The following PREX1 variants were observed in gnomAD, a reference collection of about 807,000 sequenced individuals.
The protein encoded by PREX1 is phosphatidylinositol 3,4,5-trisphosphate-dependent Rac exchanger 1 protein.
In PREX1, 41 loss-of-function variants were observed where a neutral mutation model predicts 198.3. The observed-to-expected ratio is 0.21, with a 90% CI of 0.16 to 0.27. The LOEUF is 0.27. PREX1 is among the 10% of genes least tolerant of loss of function. PREX1 has a pLI of 1.00. For synonymous variants in PREX1, 843 were observed against 887.2 expected (o/e 0.95, Z 0.89); for missense variants, 1,620 against 2,200.7 (o/e 0.74, Z 5.28).
At position 48,713,872 on chromosome 20, in the gene PREX1, A is replaced by AAAG. The variant is rs1555837404; in HGVS notation, c.622-5452_622-5451insCTT. ...CCCAGAACTATAAAAAAAAAAAAAA[A>AAAG]AAAAGAAAATCAAAAGTAAAAATCA... is the stretch of plus-strand genomic sequence containing the variant. On this transcript the variant is annotated intron_variant, in intron 5 of 39. Transcript: ENST00000371941. 3.4e-3 allele frequency among the ~76,000 whole-genome samples: 497 copies of AAAG among 147,774 alleles called. 4 individuals carry two copies. Among genetic ancestry groups the AAAG allele is most frequent in the African/African-American group, 6.6e-3 (260 of 39,136 alleles).
At chr20:48,743,602 T>C (rs568649080) in intron 3 of PREX1, among the ~76,000 whole-genome samples, 68 of 152,294 alleles carry the variant, frequency 4.5e-4, no homozygotes, top group South Asian at 2.7e-3. Context: ...GCTATGTGAA[T>C]AGGAAGATAA....
intron 3 of PREX1, among the ~76,000 whole-genome samples, chr20:48,735,086 A>G (rs1247251268): frequency 6.6e-6 from 1 of 152,144 alleles, no homozygotes. Context: ...CCCTGAGCCC[A>G]AAGATGTACT....
chr20:48,730,448 C>T (rs972512039), intron 4 of PREX1, among the ~76,000 whole-genome samples: 1 of 147,866 alleles, frequency 6.8e-6, no homozygotes, highest in African/African-American at 2.6e-5. Flanking sequence ...CACACACACA[C>T]GCACATCCTG....
At chr20:48,651,202 G>A in intron 22 of PREX1, 147 bp from the exon 23 acceptor site, 1 of 1,290,530 alleles carries the variant, frequency 7.7e-7, no homozygotes, top group South Asian at 1.5e-5. Flanking sequence ...GTAAACTGAG[G>A]CTAAAGGGAC....
At chr20:48,796,616 AT>A (rs2090363579) in intron 1 of PREX1, among the ~76,000 whole-genome samples, 1 of 151,368 alleles carries the variant, frequency 6.6e-6, no homozygotes, top group Non-Finnish European at 1.5e-5. Context: ...ATATTTATAT[AT>A]TTATATGTGT....
At chr20:48,771,966 G>T (rs2090238066) in intron 1 of PREX1, among the ~76,000 whole-genome samples, 1 of 152,140 alleles carries the variant, frequency 6.6e-6, no homozygotes, top group Non-Finnish European at 1.5e-5. Context: ...GGCTGAGGTG[G>T]GCGAATCACC....
At chr20:48,726,942 C>T (rs1209652345) in intron 4 of PREX1, among the ~76,000 whole-genome samples, 1 of 152,162 alleles carries the variant, frequency 6.6e-6, no homozygotes, top group African/African-American at 2.4e-5. Context: ...ATAACCAGGG[C>T]CACACGTAGC....
At chr20:48,810,865 C>T (rs1017014223) in intron 1 of PREX1, among the ~76,000 whole-genome samples, 8 of 151,892 alleles carry the variant, frequency 5.3e-5, no homozygotes, top group African/African-American at 1.7e-4. Flanking sequence ...CCAGCCTGGG[C>T]GACAAGAGCC....
intron 4 of PREX1, among the ~76,000 whole-genome samples, chr20:48,727,806 C>T (rs2090016578): frequency 6.6e-6 from 1 of 152,198 alleles, no homozygotes; most frequent in South Asian, 2.1e-4. Flanking sequence ...ACTTCTTCCT[C>T]CTAGAGCCTT....
chr20:48,655,330 A>G lies in PREX1; in HGVS notation c.2169T>C (p.Ile723=), dbSNP rs144910943. The G allele has an allele frequency of 2.5e-6, 4 of 1,600,734 alleles. No individual in the cohort carries two copies. Among genetic ancestry groups the G allele is most frequent in the Non-Finnish European group, 2.6e-6 (3 of 1,171,726 alleles). Residue 723 remains isoleucine (I), a synonymous_variant, in exon 19 of 40, where the codon ATT becomes ATC. Coordinates refer to ENST00000371941, the MANE Select transcript of PREX1 (RefSeq NM_020820.4). ...PDQPDTLCFQ[I]RGAAPPYVYA... is the part of the protein sequence containing the mutation. Reference sequence around the variant, plus strand: ...AGACGTACGGTGGGGCAGCTCCACGAATCTGGAAGCACAGTGTGTCCGGCT... The same window carrying G: ...AGACGTACGGTGGGGCAGCTCCACGGATCTGGAAGCACAGTGTGTCCGGCT...
At chr20:48,853,275 C>T in the PREX1 span, among the ~76,000 whole-genome samples, 2 of 152,296 alleles carry the variant, frequency 1.3e-5, no homozygotes, top group East Asian at 1.9e-4. Context: ...AGTCTATTCT[C>T]ATGCTGCTAT....
At chr20:48,832,732 A>G (rs1263802869), upstream of PREX1, among the ~76,000 whole-genome samples, 2 of 152,158 alleles carry the variant, frequency 1.3e-5, no homozygotes, top group Non-Finnish European at 2.9e-5. Flanking sequence ...CCCAAGTCAA[A>G]ACGTCTCTAA....
Position 48,632,598 on chromosome 20 carries a change from G to A in PREX1, c.4309C>T (p.Leu1437=), listed in dbSNP as rs756599755. ...FYHIEGSRQA[L]KVIFYLDSYH... is the part of the protein sequence containing the mutation. ...CTGTCGAGGTAGAAGATGACCTTCAGCGCCTGCCGGCTGCCCTCAATGTGG... is the reference window on the plus strand; with the variant it reads ...CTGTCGAGGTAGAAGATGACCTTCAACGCCTGCCGGCTGCCCTCAATGTGG... Residue 1437 remains leucine (L), a synonymous_variant, in exon 34 of 40, where the codon CTG becomes TTG. Transcript: ENST00000371941. 1.3e-5 allele frequency: 21 copies of A among 1,613,876 alleles called. No homozygotes were observed. The highest frequency in any genetic ancestry group is 1.3e-5 in the African/African-American group (1 of 74,926).
At chr20:48,775,099 C>G (rs1448865260) in intron 1 of PREX1, among the ~76,000 whole-genome samples, 1 of 152,208 alleles carries the variant, frequency 6.6e-6, no homozygotes, top group Non-Finnish European at 1.5e-5. Context: ...TCCTGCATCC[C>G]TGACCACACC....
intron 26 of PREX1, among the ~76,000 whole-genome samples, chr20:48,645,331 CT>C (rs1174144419): frequency 6.6e-5 from 10 of 152,216 alleles, no homozygotes; most frequent in Non-Finnish European, 1.2e-4. Flanking sequence ...AGGAATTAAA[CT>C]TACCCATTAT....
In PREX1 at chr20:48,628,303, C is replaced by T. The variant is rs112450210; in HGVS notation, c.4767-340G>A. Among the ~76,000 whole-genome samples the T allele has an allele frequency of 2.6e-3, 396 of 152,282 alleles. 7 individuals are homozygous for T. Among genetic ancestry groups the T allele is most frequent in the East Asian group, 0.02 (101 of 5,174 alleles). ...AGTGGGGGACTCCCTGGGAGCCTCA[C>T]GACTTGTCGGCTCCGTGGGGTTTGA... On this transcript the variant is annotated intron_variant, in intron 37 of 39. Transcript: ENST00000371941.
At chr20:48,885,275 G>A in the PREX1 span, among the ~76,000 whole-genome samples, 1 of 152,224 alleles carries the variant, frequency 6.6e-6, no homozygotes, top group African/African-American at 2.4e-5. Flanking sequence ...AAAAGAGTGT[G>A]TGTGGCATAT....
At chr20:48,704,297 T>C (rs6095247) in intron 6 of PREX1, among the ~76,000 whole-genome samples, 10,310 of 152,212 alleles carry the variant, frequency 0.068, 409 homozygotes, top group South Asian at 0.14. Context: ...TTGCAATCGA[T>C]AGTCTAGAGC....
intron 15 of PREX1, among the ~76,000 whole-genome samples, chr20:48,664,715 G>A (rs1044017465): frequency 3.3e-5 from 5 of 152,260 alleles, no homozygotes; most frequent in African/African-American, 4.8e-5. Flanking sequence ...AAACCCGCAC[G>A]ATCTGGGTTC....
Sources: gnomAD v4.1 joint callset for allele counts (sites outside exome capture counted in the v4.1 genomes callset) on GRCh38, gnomAD v4.1.1 for gene constraint, MANE v1.5 for transcripts, NCBI Gene and HGNC (gene_info 2026-07-23, HGNC 2026-07-21) for gene names.